Variants in SLC38A11 observed in about 807,000 individuals in gnomAD.
SLC38A11 encodes solute carrier family 38 member 11.
In SLC38A11, 51 loss-of-function variants were observed where a neutral mutation model predicts 49.4. The observed-to-expected ratio is 1.03, with a 90% CI of 0.83 to 1.30. The LOEUF is 1.30. Among genes scored for constraint, SLC38A11 ranks in the 50% most tolerant of loss-of-function variants. SLC38A11 has a pLI of 0.00. For synonymous variants in SLC38A11, 203 were observed against 192.9 expected, an observed-to-expected ratio of 1.05 and a Z score of -0.43; for missense variants, 574 against 556.2, an observed-to-expected ratio of 1.03 and a Z score of -0.32.
At chr2:164,927,406 T>C (rs1686677099) in intron 7 of SLC38A11, among the ~76,000 whole-genome samples, 1 of 152,144 alleles carries the variant, frequency 6.6e-6, no homozygotes, top group Non-Finnish European at 1.5e-5. Context: ...AAAGAGATAA[T>C]ATGGAGATAT....
intron 3 of SLC38A11, among the ~76,000 whole-genome samples, chr2:164,950,729 T>TC (rs1324349512): frequency 6.6e-6 from 1 of 152,128 alleles, no homozygotes; most frequent in Non-Finnish European, 1.5e-5. Context: ...TTCTTTTTGT[T>TC]CCCCAACATT....
At chr2:164,919,769 G>A (rs1321769483) in intron 7 of SLC38A11, among the ~76,000 whole-genome samples, 1 of 151,968 alleles carries the variant, frequency 6.6e-6, no homozygotes, top group African/African-American at 2.4e-5. Flanking sequence ...TATCATTATT[G>A]TCATATTGTT....
chr2:164,903,142 A>C (rs1392539782), intron 11 of SLC38A11, among the ~76,000 whole-genome samples: 1 of 152,214 alleles, frequency 6.6e-6, no homozygotes, highest in African/African-American at 2.4e-5. Flanking sequence ...ATTTCTTTAA[A>C]ATAACAATTT....
intron 2 of SLC38A11, among the ~76,000 whole-genome samples, chr2:164,953,968 T>G (rs1688687540): frequency 6.6e-6 from 1 of 152,146 alleles, no homozygotes; most frequent in South Asian, 2.1e-4. Flanking sequence ...AAATTTCCCT[T>G]GCTTCTAATA....
At chr2:164,902,725 C>A (rs1684740804) in intron 11 of SLC38A11, among the ~76,000 whole-genome samples, 2 of 152,114 alleles carry the variant, frequency 1.3e-5, no homozygotes, top group South Asian at 4.1e-4. Flanking sequence ...TTATACAAAG[C>A]AATCTCTCCA....
At chr2:164,935,858 G>A (rs1004082441) in intron 7 of SLC38A11, among the ~76,000 whole-genome samples, 1 of 152,070 alleles carries the variant, frequency 6.6e-6, no homozygotes, top group Non-Finnish European at 1.5e-5. Context: ...GAAGGGTGGA[G>A]CCCTCACTCT....
At chr2:164,910,412 C>T (rs959045877) in intron 10 of SLC38A11, among the ~76,000 whole-genome samples, 6 of 152,042 alleles carry the variant, frequency 3.9e-5, no homozygotes, top group African/African-American at 1.4e-4. Context: ...ATACCATGTC[C>T]TGCATCTGAC....
intron 3 of SLC38A11, among the ~76,000 whole-genome samples, chr2:164,947,125 T>A (rs1212859499): frequency 4.9e-5 from 3 of 61,664 alleles, no homozygotes; most frequent in Non-Finnish European, 7.6e-5. Flanking sequence ...CTCTTTTTTT[T>A]TTTTTTTTTT....
intron 5 of SLC38A11, 66 bp from the exon 6 acceptor site, chr2:164,939,622 G>T: frequency 1.0e-6 from 1 of 977,202 alleles, no homozygotes; most frequent in Non-Finnish European, 1.5e-6. Context: ...ACACTAAATA[G>T]GCCAGCATTT....
intron 7 of SLC38A11, among the ~76,000 whole-genome samples, chr2:164,931,072 A>C (rs988132704): frequency 6.6e-6 from 1 of 152,016 alleles, no homozygotes; most frequent in African/African-American, 2.4e-5. Context: ...ATACAAAATC[A>C]ATGTATAAAA....
At chr2:164,924,663 A>T (rs1686441054) in intron 7 of SLC38A11, among the ~76,000 whole-genome samples, 1 of 152,098 alleles carries the variant, frequency 6.6e-6, no homozygotes, top group East Asian at 1.9e-4. Context: ...TAAAAAGCTG[A>T]TTTCTAGTTA....
chr2:164,949,473 G>T (rs931090628), intron 3 of SLC38A11, among the ~76,000 whole-genome samples: 1 of 152,124 alleles, frequency 6.6e-6, no homozygotes, highest in Non-Finnish European at 1.5e-5. Flanking sequence ...GGCCAGGCTG[G>T]TCTCGAATTT....
rs75481245 is a variant in SLC38A11, at chr2:164,920,581, C to A, written c.618-4608G>T. On this transcript the variant is annotated intron_variant, in intron 7 of 11. Coordinates refer to ENST00000685975, the MANE Select transcript of SLC38A11 (RefSeq NM_001351537.2). ...CACTCTATGAAAACGAAACTGGATA[C>A]TTCTGTGATGACTATTGAGAGTAGA... 9.8e-3 allele frequency among the ~76,000 whole-genome samples: 1,493 copies of A among 152,168 alleles called. 27 individuals are homozygous for A. Among genetic ancestry groups the A allele is most frequent in the African/African-American group, 0.034 (1,418 of 41,532 alleles).
chr2:164,942,257 T>C (rs1018194443), intron 5 of SLC38A11, among the ~76,000 whole-genome samples: 2 of 151,896 alleles, frequency 1.3e-5, no homozygotes. Flanking sequence ...GAGACAAGCC[T>C]GGACAACATA....
intron 7 of SLC38A11, chr2:164,922,105 A>G (rs910672416): frequency 6.6e-6 from 1 of 152,204 alleles, no homozygotes; most frequent in Non-Finnish European, 1.5e-5. Flanking sequence ...AATGTAGAAG[A>G]AAGCAAGTCC....
At chr2:164,925,456 GCTTCT>G (rs1686505188) in intron 7 of SLC38A11, among the ~76,000 whole-genome samples, 2 of 152,018 alleles carry the variant, frequency 1.3e-5, no homozygotes, top group Admixed American at 6.6e-5. Context: ...CTTGGATTGT[GCTTCT>G]CTTCACTTTA....
At chr2:164,939,738 AAC>A (rs145338956) in intron 5 of SLC38A11, among the ~76,000 whole-genome samples, 182 bp from the exon 6 acceptor site, 26,428 of 151,886 alleles carry the variant, frequency 0.17, 2,512 homozygotes, top group East Asian at 0.33. Context: ...CAAAAATACA[AAC>A]ACAAAAAAAT....
chr2:164,950,276 T>C (rs1688433761), intron 3 of SLC38A11: 1 of 152,196 alleles, frequency 6.6e-6, no homozygotes, highest in Admixed American at 6.5e-5. Context: ...ATATAATTTA[T>C]ATACAATTTA....
chr2:164,905,122 T>C (rs1204054388), intron 11 of SLC38A11, among the ~76,000 whole-genome samples: 2 of 151,890 alleles, frequency 1.3e-5, no homozygotes, highest in African/African-American at 2.4e-5. Context: ...TATTATTCTT[T>C]TTTTTTATTT....
Sources: gnomAD v4.1 joint callset for allele counts (sites outside exome capture counted in the v4.1 genomes callset) on GRCh38, gnomAD v4.1.1 for gene constraint, MANE v1.5 for transcripts, NCBI Gene and HGNC (gene_info 2026-07-23, HGNC 2026-07-21) for gene names.